ANKS1B: variants seen among roughly 807,000 people sequenced by gnomAD.
ANKS1B encodes the protein ankyrin repeat and sterile alpha motif domain-containing protein 1B.
Under a neutral mutation model 148.3 loss-of-function variants are expected in ANKS1B, and 36 were observed. The observed-to-expected ratio is 0.24, with a 90% CI of 0.19 to 0.32. ANKS1B has a LOEUF of 0.32. ANKS1B is among the 10% of genes least tolerant of loss of function. ANKS1B has a pLI of 1.00. For synonymous variants in ANKS1B, 542 were observed against 560.8 expected, an observed-to-expected ratio of 0.97 and a Z score of 0.47; for missense variants, 1,157 against 1,542.6, an observed-to-expected ratio of 0.75 and a Z score of 4.19.
chr12:99,503,796 T>A (rs2096679678), intron 10 of ANKS1B, among the ~76,000 whole-genome samples: 1 of 152,130 alleles, frequency 6.6e-6, no homozygotes, highest in Non-Finnish European at 1.5e-5. Context: ...TCTTCAGAAT[T>A]TTTCTTACAA....
chr12:99,198,576 G>T (rs915492976), intron 14 of ANKS1B, among the ~76,000 whole-genome samples: 2 of 152,156 alleles, frequency 1.3e-5, no homozygotes. Flanking sequence ...TTCTACATCA[G>T]TAACTGAACT....
chr12:99,884,037 C>T (rs1185899438), intron 1 of ANKS1B, among the ~76,000 whole-genome samples: 1 of 151,952 alleles, frequency 6.6e-6, no homozygotes. Context: ...AAGAAAACTT[C>T]ACCAAAGAAG....
At position 99,873,777 on chromosome 12, in the gene ANKS1B, T is replaced by C. The variant is rs1004538490; in HGVS notation, c.135-48388A>G. ...AGAATAACACTAAATCAGTAGACTT[T>C]AAGTAAAGCAGATTGCCCTCTGCAA... On this transcript the variant is annotated intron_variant, in intron 1 of 26. Coordinates refer to ENST00000683438, the MANE Select transcript of ANKS1B (RefSeq NM_001352186.2). Among the ~76,000 whole-genome samples, 5 of 152,228 alleles carry C rather than the reference T, an allele frequency of 3.3e-5. 1 individual carries two copies. In the South Asian group the frequency reaches 8.3e-4, roughly 25 times the overall value.
At chr12:99,707,051 A>G (rs994194215) in intron 8 of ANKS1B, among the ~76,000 whole-genome samples, 7 of 152,132 alleles carry the variant, frequency 4.6e-5, no homozygotes, top group African/African-American at 1.7e-4. Flanking sequence ...GATAATAAAT[A>G]TTTTGCATAA....
chr12:99,040,580 C>A (rs1289929355), intron 17 of ANKS1B, among the ~76,000 whole-genome samples: 1 of 152,184 alleles, frequency 6.6e-6, no homozygotes, highest in East Asian at 1.9e-4. Flanking sequence ...ATAACAGGAA[C>A]TGGTGGCTTT....
At chr12:98,774,098 C>T (rs1593282157) in intron 24 of ANKS1B, among the ~76,000 whole-genome samples, 1 of 152,178 alleles carries the variant, frequency 6.6e-6, no homozygotes, top group East Asian at 1.9e-4. Flanking sequence ...GGATGCCTTG[C>T]TTGATCTGGG....
chr12:99,500,412 T>G (rs1044812956), intron 10 of ANKS1B, among the ~76,000 whole-genome samples: 2 of 152,186 alleles, frequency 1.3e-5, no homozygotes, highest in East Asian at 3.9e-4. Flanking sequence ...GCCAAGTTAC[T>G]GGTACATAGC....
chr12:99,618,472 G>C (rs1020458172), intron 9 of ANKS1B, among the ~76,000 whole-genome samples: 1 of 152,072 alleles, frequency 6.6e-6, no homozygotes, highest in African/African-American at 2.4e-5. Context: ...AATTCAAGAA[G>C]GAAAATGGGA....
chr12:99,583,008 C>A (rs12305468), intron 9 of ANKS1B, among the ~76,000 whole-genome samples: 2,373 of 152,166 alleles, frequency 0.016, 62 homozygotes, highest in African/African-American at 0.053. Context: ...GTAGGAACAC[C>A]TCTAAATCTA....
chr12:99,127,291 C>T (rs973465927), intron 15 of ANKS1B, among the ~76,000 whole-genome samples: 3 of 152,102 alleles, frequency 2.0e-5, no homozygotes, highest in East Asian at 1.9e-4. Context: ...AGTAGTCCTC[C>T]GTTTAACAAC....
At chr12:98,912,766 A>G (rs763088455) in intron 17 of ANKS1B, among the ~76,000 whole-genome samples, 2 of 152,206 alleles carry the variant, frequency 1.3e-5, no homozygotes, top group Non-Finnish European at 2.9e-5. Flanking sequence ...TCCTGGGAGA[A>G]TCATGACAAA....
chr12:99,664,870 A>G (rs960237223), intron 8 of ANKS1B, among the ~76,000 whole-genome samples: 19 of 152,356 alleles, frequency 1.2e-4, no homozygotes, highest in African/African-American at 4.6e-4. Flanking sequence ...CTATCTTTTC[A>G]CCACAACCAT....
rs541076186 is a variant in ANKS1B at position 99,950,653 on chromosome 12, C to G, written c.134+33451G>C. The stretch of plus-strand genomic sequence containing the variant: ...CTATCACTATTTTTTCTGAGTCCAA[C>G]ACATTTGTTCTGTTCATTTTTTTCC... On this transcript the variant is annotated intron_variant, in intron 1 of 26. Transcript: ENST00000683438. Among the ~76,000 whole-genome samples, 12 of 152,264 alleles carry G rather than the reference C, an allele frequency of 7.9e-5. No homozygotes were observed. The East Asian group carries it at 2.3e-3, about 29-fold the overall frequency.
chr12:99,179,456 T>G (rs2078853293), intron 14 of ANKS1B, among the ~76,000 whole-genome samples: 1 of 147,298 alleles, frequency 6.8e-6, no homozygotes, highest in African/African-American at 2.5e-5. Context: ...AAAAAAAAAT[T>G]TAGTTATCTA....
At chr12:99,759,989 C>A (rs7488674) in intron 8 of ANKS1B, among the ~76,000 whole-genome samples, 67,595 of 151,328 alleles carry the variant, frequency 0.45, 15,465 homozygotes, top group South Asian at 0.61. Context: ...AATAATATAT[C>A]TGAAGAGTAT....
At chr12:99,360,794 T>G (rs1413655098) in intron 12 of ANKS1B, among the ~76,000 whole-genome samples, 2 of 152,164 alleles carry the variant, frequency 1.3e-5, no homozygotes, top group Non-Finnish European at 2.9e-5. Flanking sequence ...TCTTTGTTGT[T>G]GTAAGCCATT....
At chr12:99,153,956 G>A (rs566582498) in intron 15 of ANKS1B, among the ~76,000 whole-genome samples, 13 of 152,178 alleles carry the variant, frequency 8.5e-5, no homozygotes, top group African/African-American at 1.4e-4. Context: ...GATATAATCC[G>A]AGTATTCTAA....
intron 9 of ANKS1B, among the ~76,000 whole-genome samples, chr12:99,526,310 A>G (rs901800950): frequency 6.6e-6 from 1 of 152,178 alleles, no homozygotes; most frequent in Non-Finnish European, 1.5e-5. Flanking sequence ...GGACTTTAGA[A>G]CTTTTGCCAT....
intron 14 of ANKS1B, among the ~76,000 whole-genome samples, chr12:99,234,388 C>A (rs551669677): frequency 3.9e-5 from 6 of 152,178 alleles, no homozygotes; most frequent in Admixed American, 3.9e-4. Flanking sequence ...TCTCTGGTAC[C>A]AATTGACTGG....
Sources: allele counts gnomAD v4.1 joint callset (sites outside exome capture counted in the v4.1 genomes callset), GRCh38; gene constraint gnomAD v4.1.1; transcripts MANE v1.5; gene names NCBI Gene and HGNC (gene_info 2026-07-23, HGNC 2026-07-21).